Variants in MYLK observed in about 807,000 individuals in gnomAD.
MYLK encodes the protein myosin light chain kinase, smooth muscle.
Under a neutral mutation model 203.4 loss-of-function variants are expected in MYLK, and 106 were observed. The observed-to-expected ratio is 0.52, with a 90% CI of 0.45 to 0.61. MYLK has a LOEUF of 0.61. Ranked by LOEUF, MYLK falls within the 20% of genes least tolerant of loss-of-function variation. MYLK has a pLI of 0.00. For missense variants in MYLK, 2,072 were observed against 2,442.3 expected (o/e 0.85, Z 3.20); for synonymous variants, 867 against 959.5 (o/e 0.90, Z 1.78).
intron 19 of MYLK, among the ~76,000 whole-genome samples, chr3:123,690,774 C>T (rs1195176543): frequency 6.6e-6 from 1 of 152,100 alleles, no homozygotes; most frequent in Non-Finnish European, 1.5e-5. Context: ...AGCTGGGCTC[C>T]CTCCTATCAC....
intron 32 of MYLK, 37 bp downstream of exon 32, chr3:123,620,170 T>G (rs764614812): frequency 1.9e-6 from 3 of 1,589,046 alleles, no homozygotes; most frequent in African/African-American, 2.7e-5. Context: ...CCCAGCCCTT[T>G]CTTTCTCACC....
At chr3:123,664,358 G>A in intron 22 of MYLK, 100 bp from the exon 23 acceptor site, 3 of 1,540,158 alleles carry the variant, frequency 1.9e-6, no homozygotes, top group Non-Finnish European at 2.7e-6. Context: ...GGATGCAGCT[G>A]GACAAGCTGT....
At chr3:123,670,236 AG>A (rs1473497526) in intron 20 of MYLK, among the ~76,000 whole-genome samples, 1 of 152,168 alleles carries the variant, frequency 6.6e-6, no homozygotes, top group African/African-American at 2.4e-5. Context: ...TGAATGGAAA[AG>A]GAACACTGTT....
intron 3 of MYLK, among the ~76,000 whole-genome samples, chr3:123,800,886 T>C (rs1300094602): frequency 6.6e-6 from 1 of 152,224 alleles, no homozygotes; most frequent in Non-Finnish European, 1.5e-5. Flanking sequence ...CTAAAAATTA[T>C]TGAGGGCCCC....
chr3:123,689,538 C>T (rs918897322), intron 19 of MYLK: 1 of 142,818 alleles, frequency 7.0e-6, no homozygotes, highest in Non-Finnish European at 1.6e-5. Context: ...AGGGTGGAGC[C>T]CCAACACCAG....
intron 5 of MYLK, 32 bp from the exon 6 acceptor site, chr3:123,740,033 G>A (rs1210110976): frequency 6.2e-7 from 1 of 1,612,774 alleles, no homozygotes; most frequent in Non-Finnish European, 8.5e-7. Context: ...AGTCAGGTCT[G>A]AGCCACCAAC....
chr3:123,744,139 T>G (rs2062945251), intron 5 of MYLK, among the ~76,000 whole-genome samples: 1 of 152,216 alleles, frequency 6.6e-6, no homozygotes, highest in African/African-American at 2.4e-5. Context: ...CACATACACG[T>G]ATGTGATAAT....
intron 5 of MYLK, among the ~76,000 whole-genome samples, chr3:123,741,383 A>G (rs1299763337): frequency 6.6e-6 from 1 of 152,204 alleles, no homozygotes; most frequent in Admixed American, 6.5e-5. Context: ...GTTTAACATT[A>G]CTTAGTGAGC....
chr3:123,651,969 G>GGGAGCA (rs1382677560), intron 24 of MYLK, among the ~76,000 whole-genome samples: 3 of 152,254 alleles, frequency 2.0e-5, no homozygotes, highest in African/African-American at 7.2e-5. Context: ...GGACTAAGCA[G>GGGAGCA]GGAGCAGTGG....
chr3:123,794,860 C>T (rs2064928953), intron 3 of MYLK, among the ~76,000 whole-genome samples: 1 of 152,232 alleles, frequency 6.6e-6, no homozygotes, highest in East Asian at 1.9e-4. Flanking sequence ...CTGTATCAAG[C>T]ACTTTTTATA....
chr3:123,712,838 C>G (rs1375152531), intron 13 of MYLK, among the ~76,000 whole-genome samples: 1 of 152,214 alleles, frequency 6.6e-6, no homozygotes, highest in Non-Finnish European at 1.5e-5. Flanking sequence ...TTTGTACAAC[C>G]ATTCATTATC....
At position 123,618,720 on chromosome 3, in the gene MYLK, C is replaced by T; in HGVS notation, c.5419G>A (p.Val1807Ile). The T allele has an allele frequency of 1.2e-6, 2 of 1,614,196 alleles. No individual in the cohort carries two copies. Among genetic ancestry groups the T allele is most frequent in the Middle Eastern group, 1.6e-4 (1 of 6,062 alleles). The change falls in exon 33 of 34, where the codon GTA becomes ATA. Residue 1807 changes from valine to isoleucine, a missense_variant. Val to Ile is a conservative substitution (Grantham distance 29). Coordinates refer to ENST00000360304, the MANE Select transcript of MYLK (RefSeq NM_053025.4). ...ATGGTCTTAGAGAAATAGGGTTTTA[C>T]ATGAGGCTTTTCCTCAGCAACAGCC... is the stretch of plus-strand genomic sequence containing the variant. ...LEAVAEEKPHVKPYFSKTIRD... is the reference protein window; with the variant it reads ...LEAVAEEKPHIKPYFSKTIRD...
At chr3:123,781,054 A>G (rs1315662100) in intron 4 of MYLK, among the ~76,000 whole-genome samples, 2 of 152,136 alleles carry the variant, frequency 1.3e-5, no homozygotes, top group Non-Finnish European at 2.9e-5. Context: ...CTCCAGTTAG[A>G]AAGGATGATG....
intron 16 of MYLK, 43 bp downstream of exon 16, chr3:123,707,711 G>A (rs773671492): frequency 6.2e-7 from 1 of 1,613,530 alleles, no homozygotes; most frequent in South Asian, 1.1e-5. Context: ...CTAGGAATTT[G>A]GAGGGAAGGG....
At chr3:123,787,725 G>A (rs1047867844) in intron 4 of MYLK, among the ~76,000 whole-genome samples, 8 of 152,130 alleles carry the variant, frequency 5.3e-5, no homozygotes, top group Non-Finnish European at 7.4e-5. Flanking sequence ...CAGGATAAAA[G>A]CTGCCTTGCC....
intron 23 of MYLK, among the ~76,000 whole-genome samples, chr3:123,661,744 T>G (rs967564339): frequency 2.0e-5 from 3 of 151,990 alleles, no homozygotes; most frequent in Non-Finnish European, 4.4e-5. Flanking sequence ...AGAGAGAAGG[T>G]AAACAGAAAT....
intron 18 of MYLK, among the ~76,000 whole-genome samples, chr3:123,696,703 A>G (rs555375897): frequency 5.3e-4 from 80 of 152,194 alleles, no homozygotes; most frequent in Middle Eastern, 6.8e-3. Context: ...TGTGGCTACT[A>G]CGCTAGTCTA....
intron 31 of MYLK, 160 bp from the exon 32 acceptor site, chr3:123,620,496 C>A (rs192655752): frequency 3.8e-5 from 58 of 1,532,802 alleles, no homozygotes; most frequent in Middle Eastern, 2.4e-4. Context: ...GCGAACCCAA[C>A]CTTGCTCTGC....
chr3:123,765,566 A>G (rs1342335792), intron 4 of MYLK, among the ~76,000 whole-genome samples: 1 of 152,064 alleles, frequency 6.6e-6, no homozygotes, highest in Admixed American at 6.5e-5. Context: ...AACAAAAGAA[A>G]AAAGGAATTT....
Sources: allele counts gnomAD v4.1 joint callset (sites outside exome capture counted in the v4.1 genomes callset), GRCh38; gene constraint gnomAD v4.1.1; transcripts MANE v1.5; gene names NCBI Gene and HGNC (gene_info 2026-07-23, HGNC 2026-07-21).